The following INSR variants were observed in gnomAD, a reference collection of about 807,000 sequenced individuals.
INSR encodes IR.
In INSR, 67 loss-of-function variants were observed where a neutral mutation model predicts 142.6. The ratio of observed to expected loss-of-function variants is 0.47; its 90% CI spans 0.39 to 0.58. The LOEUF is 0.58. Ranked by LOEUF, INSR falls within the 20% of genes least tolerant of loss-of-function variation. The probability of loss-of-function intolerance (pLI) is 0.00; values close to 1 mark genes in which losing one functional copy is unlikely to be tolerated. For missense variants in INSR, 1,248 were observed against 1,833.2 expected, an observed-to-expected ratio of 0.68 and a Z score of 5.83; for synonymous variants, 756 against 743.1, an observed-to-expected ratio of 1.02 and a Z score of -0.28.
At chr19:7,281,818 C>T (rs544607432) in intron 1 of INSR, among the ~76,000 whole-genome samples, 119 of 152,330 alleles carry the variant, frequency 7.8e-4, no homozygotes, top group African/African-American at 2.7e-3. Flanking sequence ...ATGGTTTCCA[C>T]ATTCCCACAA....
At chr19:7,188,170 A>G (rs1245347947) in intron 2 of INSR, among the ~76,000 whole-genome samples, 1 of 152,062 alleles carries the variant, frequency 6.6e-6, no homozygotes, top group Non-Finnish European at 1.5e-5. Context: ...TGACTTCCCC[A>G]GCAGAAGTCG....
At chr19:7,210,341 A>T (rs1975238436) in intron 2 of INSR, among the ~76,000 whole-genome samples, 1 of 31,756 alleles carries the variant, frequency 3.1e-5, no homozygotes. Context: ...ACTCTGTCTC[A>T]AAAAAAAAAA....
chr19:7,238,720 C>T (rs150946476), intron 2 of INSR, among the ~76,000 whole-genome samples: 2 of 151,468 alleles, frequency 1.3e-5, no homozygotes, highest in African/African-American at 4.8e-5. Context: ...CACAAGGGTC[C>T]AGGCCGGAGA....
At chr19:7,270,026 G>A (rs1042231614) in intron 1 of INSR, among the ~76,000 whole-genome samples, 1 of 152,050 alleles carries the variant, frequency 6.6e-6, no homozygotes, top group Non-Finnish European at 1.5e-5. Context: ...GCAGTGCCGT[G>A]ATCTTGGCTC....
At chr19:7,271,096 G>A (rs966407029) in intron 1 of INSR, among the ~76,000 whole-genome samples, 1 of 151,846 alleles carries the variant, frequency 6.6e-6, no homozygotes, top group African/African-American at 2.4e-5. Flanking sequence ...AGATTAACTG[G>A]CTGTTGGACA....
chr19:7,274,297 C>T (rs1968002181), intron 1 of INSR, among the ~76,000 whole-genome samples: 1 of 151,904 alleles, frequency 6.6e-6, no homozygotes, highest in African/African-American at 2.4e-5. Context: ...TGACACGAGG[C>T]GGAGCTCAGG....
intron 2 of INSR, among the ~76,000 whole-genome samples, chr19:7,212,097 G>T (rs1029854869): frequency 7.1e-6 from 1 of 141,542 alleles, no homozygotes; most frequent in Admixed American, 6.8e-5. Context: ...AGTATCCCTG[G>T]CCTCCACCCA....
At chr19:7,278,637 T>A (rs1368328467) in intron 1 of INSR, among the ~76,000 whole-genome samples, 1 of 152,100 alleles carries the variant, frequency 6.6e-6, no homozygotes, top group Non-Finnish European at 1.5e-5. Context: ...GGGGGGTGGA[T>A]CACCTGAGGT....
At chr19:7,279,573 C>T (rs1968150710) in intron 1 of INSR, among the ~76,000 whole-genome samples, 1 of 151,070 alleles carries the variant, frequency 6.6e-6, no homozygotes, top group South Asian at 2.1e-4. Context: ...TTGGGATACT[C>T]AGGGATGTGG....
At chr19:7,237,181 C>T (rs1424018978) in intron 2 of INSR, among the ~76,000 whole-genome samples, 1 of 151,926 alleles carries the variant, frequency 6.6e-6, no homozygotes, top group Admixed American at 6.6e-5. Flanking sequence ...ATAATTTACT[C>T]ATATAACCAA....
Position 7,116,952 on chromosome 19 carries a change from T to C in INSR, c.*104A>G, listed in dbSNP as rs1051690. ...GTATAGGAACGATCTCTGAACTCCATTGGACATGGTAGAGTCGTGAGAATC... is the reference window on the plus strand; with the variant it reads ...GTATAGGAACGATCTCTGAACTCCACTGGACATGGTAGAGTCGTGAGAATC... On this transcript the variant is annotated 3_prime_UTR_variant, in exon 22 of 22. Transcript: ENST00000302850. The C allele has an allele frequency of 0.85, 779,892 of 920,464 alleles. 331,331 individuals are homozygous for C. Among genetic ancestry groups the C allele is most frequent in the East Asian group, 0.95 (39,909 of 41,796 alleles). The allele number at this position is 920,464 out of a possible 1,614,324, so 57.0% of individuals were successfully genotyped here. A position where few individuals can be genotyped will look rare whatever the true frequency, so the allele number is the denominator to read the frequency against.
At chr19:7,249,798 C>A (rs532159206) in intron 2 of INSR, among the ~76,000 whole-genome samples, 1 of 152,146 alleles carries the variant, frequency 6.6e-6, no homozygotes, top group African/African-American at 2.4e-5. Context: ...CGAGACCATC[C>A]TGGCTAACAG....
At chr19:7,124,541 GAAAAAAAAAAAAAAAAAA>G (rs531613079) in intron 17 of INSR, among the ~76,000 whole-genome samples, 10 of 9,920 alleles carry the variant, frequency 1.0e-3, no homozygotes, top group Non-Finnish European at 1.2e-3. Flanking sequence ...TCCGTTTCAG[GAAAAAAAAAAAAAAAAAA>G]AAAAAAAAAA....
chr19:7,167,882 A>G, intron 7 of INSR, 86 bp downstream of exon 7: 1 of 1,554,450 alleles, frequency 6.4e-7, no homozygotes, highest in South Asian at 1.1e-5. Context: ...CAGGAACCCA[A>G]GAGGGGCAGA....
rs956972612 is a variant in INSR, at chr19:7,157,990, C to T, written c.2029+5042G>A. On this transcript the variant is annotated intron_variant, in intron 9 of 21. Transcript: ENST00000302850. ...GGTTAACTCTGATGGGAGCTAGTTA[C>T]AGCATTACAGATGGAAAAAAAAATG... 2.0e-5 allele frequency among the ~76,000 whole-genome samples: 3 copies of T among 151,022 alleles called. No homozygotes were observed. The Admixed American group carries it at 2.0e-4, about 10-fold the overall frequency.
chr19:7,293,675 C>T, intron 1 of INSR, 117 bp downstream of exon 1: 1 of 873,718 alleles, frequency 1.1e-6, no homozygotes, highest in Non-Finnish European at 1.5e-6. Context: ...GTCCTGGCCA[C>T]CGCCCCCCGC....
At chr19:7,131,850 T>A (rs1972789808) in intron 14 of INSR, among the ~76,000 whole-genome samples, 1 of 151,308 alleles carries the variant, frequency 6.6e-6, no homozygotes, top group South Asian at 2.1e-4. Flanking sequence ...AATACAAGAA[T>A]TAGCCGGGCG....
At chr19:7,117,670 G>T (rs1339201544) in intron 21 of INSR, among the ~76,000 whole-genome samples, 1 of 151,136 alleles carries the variant, frequency 6.6e-6, no homozygotes, top group African/African-American at 2.4e-5. Context: ...GCAGTGGCAT[G>T]ATCATAGCTC....
At chr19:7,285,547 G>A (rs1407461293) in intron 1 of INSR, among the ~76,000 whole-genome samples, 3 of 152,030 alleles carry the variant, frequency 2.0e-5, no homozygotes, top group African/African-American at 7.2e-5. Context: ...GAGGCAGGAG[G>A]ATCGTTGATG....
Sources: allele counts gnomAD v4.1 joint callset (sites outside exome capture counted in the v4.1 genomes callset), GRCh38; gene constraint gnomAD v4.1.1; transcripts MANE v1.5; gene names NCBI Gene and HGNC (gene_info 2026-07-23, HGNC 2026-07-21).